Variants in FHIT observed in about 807,000 individuals in gnomAD.
FHIT encodes fragile histidine triad diadenosine triphosphatase, also known as bis(5'-adenosyl)-triphosphatase.
A neutral mutation model predicts 17.9 loss-of-function variants in FHIT; 19 were observed. The ratio of observed to expected loss-of-function variants is 1.06; its 90% CI spans 0.74 to 1.56. The LOEUF (loss-of-function observed/expected upper bound fraction) is 1.56, where lower values mean the gene tolerates loss of function less well. Ranked by LOEUF, FHIT falls within the 40% of genes most tolerant of loss-of-function variation. The pLI is 0.00. For synonymous variants in FHIT, 81 were observed against 69.7 expected (o/e 1.16, Z -0.81); for missense variants, 248 against 189.2 (o/e 1.31, Z -1.82).
intron 5 of FHIT, among the ~76,000 whole-genome samples, chr3:60,142,404 G>T (rs567732140): frequency 6.6e-6 from 1 of 152,182 alleles, no homozygotes; most frequent in South Asian, 2.1e-4. Flanking sequence ...CCGGGTCAAG[G>T]GCTAATAGTG....
intron 7 of FHIT, among the ~76,000 whole-genome samples, chr3:59,982,095 A>G (rs1317457324): frequency 6.6e-6 from 1 of 152,208 alleles, no homozygotes; most frequent in Non-Finnish European, 1.5e-5. Flanking sequence ...TAAATAGACT[A>G]TTCAAACAGA....
chr3:60,896,321 C>T (rs1380485171), intron 3 of FHIT, among the ~76,000 whole-genome samples: 1 of 152,052 alleles, frequency 6.6e-6, no homozygotes, highest in African/African-American at 2.4e-5. Flanking sequence ...TTCACTGCTG[C>T]TAGGAGTGTT....
At chr3:60,734,959 T>A (rs2042105660) in intron 4 of FHIT, among the ~76,000 whole-genome samples, 1 of 152,232 alleles carries the variant, frequency 6.6e-6, no homozygotes, top group Non-Finnish European at 1.5e-5. Context: ...ATTTCATTTC[T>A]CAGACTCTGA....
At chr3:59,839,743 C>T (rs1701464296) in intron 8 of FHIT, among the ~76,000 whole-genome samples, 1 of 152,110 alleles carries the variant, frequency 6.6e-6, no homozygotes, top group Non-Finnish European at 1.5e-5. Flanking sequence ...CCTCTGAGAC[C>T]TGTTTCCTTA....
chr3:61,246,431 G>A (rs1051024969), intron 1 of FHIT, among the ~76,000 whole-genome samples: 5 of 151,994 alleles, frequency 3.3e-5, no homozygotes, highest in African/African-American at 1.2e-4. Flanking sequence ...ACAATACATA[G>A]CTATACATCC....
At chr3:60,962,873 T>C (rs1477911832) in intron 3 of FHIT, among the ~76,000 whole-genome samples, 2 of 152,248 alleles carry the variant, frequency 1.3e-5, no homozygotes. Context: ...TCATCAGGGA[T>C]ATTGGTCTAA....
chr3:60,676,803 C>G (rs2040630141), intron 4 of FHIT, among the ~76,000 whole-genome samples: 1 of 152,130 alleles, frequency 6.6e-6, no homozygotes, highest in African/African-American at 2.4e-5. Flanking sequence ...TTATGTTTCA[C>G]CACAAGAACT....
At chr3:60,830,306 G>C (rs2594134) in intron 3 of FHIT, among the ~76,000 whole-genome samples, 39,742 of 151,976 alleles carry the variant, frequency 0.26, 5,490 homozygotes, top group Middle Eastern at 0.34. Context: ...TTACTTTTCT[G>C]TAGTCTCCAG....
At chr3:60,989,219 G>A (rs940996221) in intron 3 of FHIT, among the ~76,000 whole-genome samples, 3 of 152,040 alleles carry the variant, frequency 2.0e-5, no homozygotes, top group Admixed American at 6.6e-5. Context: ...GAGTGATCAC[G>A]GTTCACTGCA....
intron 4 of FHIT, among the ~76,000 whole-genome samples, chr3:60,721,267 C>T: frequency 6.6e-6 from 1 of 152,144 alleles, no homozygotes; most frequent in East Asian, 1.9e-4. Context: ...AAGGCCTCCT[C>T]TTCCAAATAA....
chr3:60,225,402 A>G (rs906491006), intron 5 of FHIT, among the ~76,000 whole-genome samples: 6 of 152,230 alleles, frequency 3.9e-5, no homozygotes, highest in Middle Eastern at 3.2e-3. Flanking sequence ...GCTGGAGGAA[A>G]GAAGACAGAG....
intron 3 of FHIT, among the ~76,000 whole-genome samples, chr3:60,937,656 T>C (rs964827583): frequency 7.6e-5 from 11 of 145,682 alleles, no homozygotes; most frequent in Non-Finnish European, 1.5e-5. Context: ...CTCCACCTCC[T>C]AGGTTCAAGC....
chr3:59,968,864 T>C (rs1191440709), intron 7 of FHIT, among the ~76,000 whole-genome samples: 1 of 152,172 alleles, frequency 6.6e-6, no homozygotes, highest in Non-Finnish European at 1.5e-5. Flanking sequence ...TGCTGCCAGA[T>C]TTCTGGGAGC....
chr3:60,078,225 T>C (rs1703118815), intron 5 of FHIT, among the ~76,000 whole-genome samples: 1 of 151,932 alleles, frequency 6.6e-6, no homozygotes, highest in African/African-American at 2.4e-5. Context: ...AAAGGAAAAA[T>C]AGCAATTTTC....
chr3:61,094,422 A>T (rs906346789), intron 2 of FHIT, among the ~76,000 whole-genome samples: 1 of 152,182 alleles, frequency 6.6e-6, no homozygotes. Flanking sequence ...TCCACCTAAG[A>T]AGAATCTTAG....
intron 4 of FHIT, among the ~76,000 whole-genome samples, chr3:60,775,634 C>G (rs1199589803): frequency 6.6e-6 from 1 of 152,168 alleles, no homozygotes; most frequent in Non-Finnish European, 1.5e-5. Context: ...TTTTGGCGCC[C>G]AACGTGGGGA....
Position 60,011,365 on chromosome 3 carries a change from A to C in FHIT, c.279+6T>G, listed in dbSNP as rs1463969870. 1.2e-6 allele frequency: 2 copies of C among 1,613,556 alleles called. No homozygotes were observed. The highest frequency in any genetic ancestry group is 1.7e-6 in the Non-Finnish European group (2 of 1,179,536). Reference sequence around the variant, plus strand: ...ATTAATTTGTATGCACATAATAAGCACTCACCTTCACAGTCTGTCCGGCTT... The same window carrying C: ...ATTAATTTGTATGCACATAATAAGCCCTCACCTTCACAGTCTGTCCGGCTT... On this transcript the variant is annotated splice_donor_region_variant and intron_variant, in intron 7 of 9. Transcript: ENST00000492590.
At chr3:60,640,995 C>T (rs1224666254) in intron 4 of FHIT, among the ~76,000 whole-genome samples, 1 of 151,940 alleles carries the variant, frequency 6.6e-6, no homozygotes, top group East Asian at 1.9e-4. Context: ...GCCTGACCAA[C>T]ATGGTGAAAC....
At chr3:61,025,852 T>C (rs1028357662) in intron 3 of FHIT, among the ~76,000 whole-genome samples, 8 of 152,204 alleles carry the variant, frequency 5.3e-5, no homozygotes, top group African/African-American at 1.9e-4. Context: ...ACTTTCCAAA[T>C]AGCTAAGGGC....
Sources: gnomAD v4.1 joint callset for allele counts (sites outside exome capture counted in the v4.1 genomes callset) on GRCh38, gnomAD v4.1.1 for gene constraint, MANE v1.5 for transcripts, NCBI Gene and HGNC (gene_info 2026-07-23, HGNC 2026-07-21) for gene names.